The following ARHGAP15 variants were observed in gnomAD, a reference collection of about 807,000 sequenced individuals.
The protein encoded by ARHGAP15 is Rho GTPase activating protein 15, also known as rho GTPase-activating protein 15.
ARHGAP15 carries 51 observed loss-of-function variants against 63.7 expected under a neutral mutation model. The ratio of observed to expected loss-of-function variants is 0.80; its 90% CI spans 0.64 to 1.01. ARHGAP15 has a LOEUF of 1.01. Among genes scored for constraint, ARHGAP15 ranks in the 50% least tolerant of loss-of-function variants. The pLI is 0.00. For missense variants in ARHGAP15, 560 were observed against 564.6 expected, an observed-to-expected ratio of 0.99 and a Z score of 0.08; for synonymous variants, 191 against 193.8, an observed-to-expected ratio of 0.99 and a Z score of 0.12.
intron 6 of ARHGAP15, among the ~76,000 whole-genome samples, chr2:143,259,705 T>C (rs1355237092): frequency 6.6e-6 from 1 of 152,146 alleles, no homozygotes; most frequent in Non-Finnish European, 1.5e-5. Context: ...ATTCATCTGA[T>C]GGCAGTCCTT....
intron 6 of ARHGAP15, among the ~76,000 whole-genome samples, chr2:143,407,874 T>A (rs1688269531): frequency 6.7e-6 from 1 of 150,246 alleles, no homozygotes; most frequent in Non-Finnish European, 1.5e-5. Context: ...TTCTTGTATA[T>A]TTGTTTCAGT....
At chr2:143,507,011 C>G (rs977879316) in intron 9 of ARHGAP15, among the ~76,000 whole-genome samples, 1 of 151,968 alleles carries the variant, frequency 6.6e-6, no homozygotes, top group Non-Finnish European at 1.5e-5. Context: ...CATTAGGCAA[C>G]CAGAAGGCAT....
At chr2:143,749,722 T>C (rs192531520) in intron 13 of ARHGAP15, among the ~76,000 whole-genome samples, 85 of 152,364 alleles carry the variant, frequency 5.6e-4, no homozygotes, top group Non-Finnish European at 9.3e-4. Context: ...ATTATATTTA[T>C]ATGTTTTAAA....
chr2:143,340,835 ATTTTTC>A (rs1303630866), intron 6 of ARHGAP15, among the ~76,000 whole-genome samples: 1 of 152,030 alleles, frequency 6.6e-6, no homozygotes, highest in Non-Finnish European at 1.5e-5. Context: ...CTGAAAAAAT[ATTTTTC>A]TTTTTCTGTT....
chr2:143,641,799 T>C (rs1680612610), intron 12 of ARHGAP15, among the ~76,000 whole-genome samples: 1 of 152,154 alleles, frequency 6.6e-6, no homozygotes, highest in African/African-American at 2.4e-5. Context: ...CTTTTGGCTA[T>C]ATTTAGCAAA....
intron 2 of ARHGAP15, among the ~76,000 whole-genome samples, chr2:143,186,720 C>G (rs1487759030): frequency 2.6e-5 from 4 of 152,160 alleles, no homozygotes; most frequent in Non-Finnish European, 5.9e-5. Flanking sequence ...CTCTATGTGA[C>G]TGATTTCTCC....
At chr2:143,732,251 C>T (rs1009762300) in intron 13 of ARHGAP15, among the ~76,000 whole-genome samples, 4 of 152,166 alleles carry the variant, frequency 2.6e-5, no homozygotes, top group Admixed American at 2.0e-4. Context: ...GGTAAAATGA[C>T]TCACAGGGAA....
At chr2:143,286,592 C>A (rs1421883498) in intron 6 of ARHGAP15, among the ~76,000 whole-genome samples, 2 of 152,064 alleles carry the variant, frequency 1.3e-5, no homozygotes, top group African/African-American at 4.8e-5. Flanking sequence ...GCACTGCTTC[C>A]TTTTATTTTC....
chr2:143,344,218 C>T (rs1477256418), intron 6 of ARHGAP15: 3 of 151,972 alleles, frequency 2.0e-5, no homozygotes, highest in African/African-American at 4.8e-5. Context: ...CGTCTTTAAC[C>T]CTGAGTAGAA....
intron 13 of ARHGAP15, among the ~76,000 whole-genome samples, chr2:143,715,683 CTGA>C (rs1684780673): frequency 6.6e-6 from 1 of 152,202 alleles, no homozygotes; most frequent in Admixed American, 6.5e-5. Context: ...TCTGTTCACT[CTGA>C]TGATAGATTC....
At chr2:143,271,660 T>G (rs1164472406) in intron 6 of ARHGAP15, among the ~76,000 whole-genome samples, 1 of 152,226 alleles carries the variant, frequency 6.6e-6, no homozygotes, top group Non-Finnish European at 1.5e-5. Context: ...GTAACTTTAG[T>G]AGAGACGGGG....
rs558606704 is a variant in ARHGAP15 at position 143,517,908 on chromosome 2, C to T, written c.827-1358C>T. Among the ~76,000 whole-genome samples the T allele has an allele frequency of 2.1e-4, 32 of 152,196 alleles. No homozygotes were observed. In the South Asian group the frequency reaches 2.5e-3, roughly 12 times the overall value. ...TGTGGGGCTATTACAAATTTAAAGA[C>T]GGGGAGGAAAGACCCAAATGAAATC... On this transcript the variant is annotated intron_variant, in intron 9 of 13. Coordinates refer to ENST00000295095, the MANE Select transcript of ARHGAP15 (RefSeq NM_018460.4).
chr2:143,358,402 A>G (rs1685893202), intron 6 of ARHGAP15, among the ~76,000 whole-genome samples: 1 of 152,164 alleles, frequency 6.6e-6, no homozygotes. Flanking sequence ...GAAAATGTGT[A>G]TGCCATCTAA....
At chr2:143,461,297 A>AC (rs1373669419) in intron 8 of ARHGAP15, among the ~76,000 whole-genome samples, 2 of 150,802 alleles carry the variant, frequency 1.3e-5, no homozygotes, top group African/African-American at 4.9e-5. Flanking sequence ...AAAAAAAAAA[A>AC]AAAAAAAAAC....
At chr2:143,251,242 A>G (rs1429061104) in intron 6 of ARHGAP15, among the ~76,000 whole-genome samples, 1 of 152,008 alleles carries the variant, frequency 6.6e-6, no homozygotes, top group East Asian at 1.9e-4. Flanking sequence ...ATAATTTGAG[A>G]TCTTGGAGTT....
At chr2:143,293,978 C>A (rs1574226092) in intron 6 of ARHGAP15, among the ~76,000 whole-genome samples, 3 of 152,008 alleles carry the variant, frequency 2.0e-5, no homozygotes, top group Non-Finnish European at 1.5e-5. Flanking sequence ...AAATAAAGTT[C>A]TGGAAATGTA....
intron 3 of ARHGAP15, among the ~76,000 whole-genome samples, chr2:143,208,868 AC>A (rs1692455690): frequency 6.6e-6 from 1 of 152,036 alleles, no homozygotes; most frequent in Admixed American, 6.6e-5. Flanking sequence ...TCTATGGAAA[AC>A]CCTGCAGGAG....
chr2:143,537,141 T>C (rs2105032466), intron 10 of ARHGAP15, among the ~76,000 whole-genome samples: 1 of 152,372 alleles, frequency 6.6e-6, no homozygotes, highest in Admixed American at 6.5e-5. Context: ...ATGATGAGCA[T>C]TTTTTCATGT....
At chr2:143,647,165 A>T (rs1680919364) in intron 12 of ARHGAP15, among the ~76,000 whole-genome samples, 1 of 151,808 alleles carries the variant, frequency 6.6e-6, no homozygotes, top group Admixed American at 6.6e-5. Context: ...TACTGACTCA[A>T]ACCAGAAGAC....
Sources: gnomAD v4.1 joint callset for allele counts (sites outside exome capture counted in the v4.1 genomes callset) on GRCh38, gnomAD v4.1.1 for gene constraint, MANE v1.5 for transcripts, NCBI Gene and HGNC (gene_info 2026-07-23, HGNC 2026-07-21) for gene names.